CTBP2: variants seen among roughly 807,000 people sequenced by gnomAD.
CTBP2 encodes C-terminal-binding protein 2.
Under a neutral mutation model 80.3 loss-of-function variants are expected in CTBP2, and 30 were observed. That is an observed-to-expected ratio of 0.37 (90% CI 0.28 to 0.51). The LOEUF (loss-of-function observed/expected upper bound fraction) is 0.51. Among genes scored for constraint, CTBP2 ranks in the 20% least tolerant of loss-of-function variants. CTBP2 has a pLI of 0.93. For synonymous variants in CTBP2, 594 were observed against 587.4 expected (o/e 1.01, Z -0.16); for missense variants, 1,212 against 1,375.3 (o/e 0.88, Z 1.88).
At chr10:125,154,499 A>AT (rs1318375280) in intron 1 of CTBP2, among the ~76,000 whole-genome samples, 16 of 152,244 alleles carry the variant, frequency 1.1e-4, no homozygotes, top group African/African-American at 3.9e-4. Context: ...TTTCATCACA[A>AT]TTTTTGTGAA....
chr10:125,067,107 G>T (rs547880022), intron 2 of CTBP2, among the ~76,000 whole-genome samples: 3 of 152,260 alleles, frequency 2.0e-5, no homozygotes, highest in South Asian at 2.1e-4. Context: ...TTTCTTTCAA[G>T]AATTTTTTTA....
chr10:124,998,432 A>G (rs1410658004), intron 3 of CTBP2: 2 of 505,944 alleles, frequency 4.0e-6, no homozygotes, highest in Non-Finnish European at 7.2e-6. Flanking sequence ...CCCAACTCCT[A>G]TGGCTGATTT....
intron 1 of CTBP2, among the ~76,000 whole-genome samples, chr10:125,125,136 T>C (rs925420625): frequency 6.6e-6 from 1 of 152,224 alleles, no homozygotes; most frequent in South Asian, 2.1e-4. Context: ...CTTCCAGTTT[T>C]CTTCCCAGAT....
chr10:125,078,906 G>C (rs1055682408), intron 2 of CTBP2, among the ~76,000 whole-genome samples: 1 of 151,862 alleles, frequency 6.6e-6, no homozygotes, highest in African/African-American at 2.4e-5. Flanking sequence ...GGGAGGCTGA[G>C]GCGGGCAGAT....
chr10:125,038,939 C>A (rs1009120178), intron 3 of CTBP2, 58 bp downstream of exon 3: 2 of 1,561,088 alleles, frequency 1.3e-6, no homozygotes, highest in African/African-American at 2.7e-5. Flanking sequence ...GAGCAGCCAG[C>A]GAAGATTTGA....
At chr10:125,033,595 G>A (rs151210298) in intron 3 of CTBP2, among the ~76,000 whole-genome samples, 35 of 152,310 alleles carry the variant, frequency 2.3e-4, no homozygotes, top group South Asian at 2.1e-3. Context: ...AAGGTTCTCC[G>A]CATTCGTGCG....
At chr10:125,090,723 C>CG (rs1848645578) in intron 2 of CTBP2, among the ~76,000 whole-genome samples, 1 of 151,414 alleles carries the variant, frequency 6.6e-6, no homozygotes, top group Non-Finnish European at 1.5e-5. Context: ...TGCTGGCACT[C>CG]ACCCTGGACG....
rs775447516 is a variant in CTBP2, at chr10:125,027,377, C to T, written c.383G>A (p.Arg128Gln). The T allele has an allele frequency of 1.6e-5, 26 of 1,613,396 alleles. No homozygotes were observed. Among genetic ancestry groups the T allele is most frequent in the South Asian group, 1.4e-4 (13 of 91,072 alleles). ...GACCGGCCGGCTGACTCCTGGGTCC[C>T]GATAGAGGGGAGGCTCTTTGGGTAC... The change falls in exon 1 of 9, where the codon CGG (arginine) becomes CAG (glutamine). Residue 128 changes from arginine to glutamine, a missense_variant. By Grantham distance (43) the Arg-to-Gln change is conservative. Transcript: ENST00000309035.
intron 2 of CTBP2, among the ~76,000 whole-genome samples, chr10:125,087,075 CTTTTT>C (rs564770474): frequency 7.3e-6 from 1 of 136,558 alleles, no homozygotes; most frequent in South Asian, 2.3e-4. Flanking sequence ...CAATTTCTTT[CTTTTT>C]TTTTTTTTTT....
At chr10:125,011,472 G>A (rs1214304802) in intron 1 of CTBP2, among the ~76,000 whole-genome samples, 1 of 152,178 alleles carries the variant, frequency 6.6e-6, no homozygotes, top group African/African-American at 2.4e-5. Flanking sequence ...CCAGAGCCTG[G>A]GCCATGTTCT....
chr10:125,126,075 C>G (rs1167053278), intron 1 of CTBP2, among the ~76,000 whole-genome samples: 3 of 152,194 alleles, frequency 2.0e-5, no homozygotes, highest in Non-Finnish European at 2.9e-5. Context: ...CAAGGAGGAG[C>G]CCAGGGCTCT....
intron 2 of CTBP2, among the ~76,000 whole-genome samples, chr10:125,098,679 AG>A (rs1477046544): frequency 5.6e-4 from 74 of 133,232 alleles, no homozygotes; most frequent in African/African-American, 2.2e-3. Context: ...AGAGAGAGAG[AG>A]AGAGAGAGAG....
intron 2 of CTBP2, among the ~76,000 whole-genome samples, chr10:125,070,175 C>T (rs1845250249): frequency 6.6e-6 from 1 of 152,040 alleles, no homozygotes; most frequent in South Asian, 2.1e-4. Context: ...CAAGGTGAAA[C>T]CCGGTCTCTA....
rs1023762632 is a variant in CTBP2, at chr10:125,115,747, T to C, written c.-205-4654A>G. Among the ~76,000 whole-genome samples the C allele has an allele frequency of 2.0e-5, 3 of 152,304 alleles. No homozygotes were observed. In the South Asian group the frequency reaches 6.2e-4, roughly 32 times the overall value. On this transcript the variant is annotated intron_variant, in intron 1 of 10. Transcript: ENST00000337195. Reference sequence around the variant, plus strand: ...CCAATAGTCCTAATCAGGTCATTGATGGTTAATGGTTAGGCATCCCAAGCG... The same window carrying C: ...CCAATAGTCCTAATCAGGTCATTGACGGTTAATGGTTAGGCATCCCAAGCG...
intron 2 of CTBP2, among the ~76,000 whole-genome samples, chr10:125,065,896 G>T (rs1191902727): frequency 6.6e-6 from 1 of 152,088 alleles, no homozygotes; most frequent in African/African-American, 2.4e-5. Flanking sequence ...GCCTAGGATA[G>T]CTTGAGACCA....
chr10:125,124,338 TC>T (rs1347230238), intron 1 of CTBP2, among the ~76,000 whole-genome samples: 3 of 152,132 alleles, frequency 2.0e-5, no homozygotes, highest in Non-Finnish European at 4.4e-5. Flanking sequence ...TCCCGGTAAC[TC>T]CCCGCTGGTT....
At chr10:125,040,306 T>A (rs1959278895) in intron 2 of CTBP2, among the ~76,000 whole-genome samples, 1 of 151,846 alleles carries the variant, frequency 6.6e-6, no homozygotes, top group Non-Finnish European at 1.5e-5. Context: ...AATACAAAAA[T>A]TAGCCGGGTA....
chr10:125,092,176 CTTTTTTTT>C (rs71029238), intron 2 of CTBP2, among the ~76,000 whole-genome samples: 4,121 of 87,258 alleles, frequency 0.047, 229 homozygotes, highest in African/African-American at 0.17. Context: ...TCTGAAGATT[CTTTTTTTT>C]TTTTTTTTTT....
chr10:125,107,989 C>T (rs1475383503), intron 2 of CTBP2, among the ~76,000 whole-genome samples: 1 of 152,208 alleles, frequency 6.6e-6, no homozygotes, highest in Non-Finnish European at 1.5e-5. Flanking sequence ...TTGGGTACTG[C>T]TGCAAATATT....
Sources: gnomAD v4.1 joint callset for allele counts (sites outside exome capture counted in the v4.1 genomes callset) on GRCh38, gnomAD v4.1.1 for gene constraint, MANE v1.5 for transcripts, NCBI Gene and HGNC (gene_info 2026-07-23, HGNC 2026-07-21) for gene names.